ERO1B: variants seen among roughly 807,000 people sequenced by gnomAD.
The protein encoded by ERO1B is endoplasmic reticulum oxidoreductase 1 beta, also known as ERO1-like protein beta.
Under a neutral mutation model 75.3 loss-of-function variants are expected in ERO1B, and 49 were observed. The ratio of observed to expected loss-of-function variants is 0.65; its 90% confidence interval spans 0.52 to 0.83. ERO1B has a LOEUF of 0.83. Ranked by LOEUF, ERO1B falls within the 40% of genes least tolerant of loss-of-function variation. The probability of loss-of-function intolerance (pLI) is 0.00; values close to 1 mark genes in which losing one functional copy is unlikely to be tolerated. For missense variants in ERO1B, 512 were observed against 560.1 expected (o/e 0.91, Z 0.87); for synonymous variants, 191 against 192.9 (o/e 0.99, Z 0.08).
At chr1:236,233,542 G>A (rs1050794127) in intron 8 of ERO1B, among the ~76,000 whole-genome samples, 6 of 150,360 alleles carry the variant, frequency 4.0e-5, no homozygotes, top group African/African-American at 1.2e-4. Flanking sequence ...AGGTTGCAGT[G>A]AGCCGAGATC....
At chr1:236,278,754 A>C (rs1282413274) in intron 1 of ERO1B, among the ~76,000 whole-genome samples, 1 of 152,172 alleles carries the variant, frequency 6.6e-6, no homozygotes, top group African/African-American at 2.4e-5. Context: ...ACCAAAGTAT[A>C]TTTACATTTC....
At chr1:236,226,938 TATG>T (rs1664293845) in intron 10 of ERO1B, among the ~76,000 whole-genome samples, 199 bp from the exon 11 acceptor site, 1 of 152,148 alleles carries the variant, frequency 6.6e-6, no homozygotes, top group Admixed American at 6.5e-5. Flanking sequence ...GTTAACTGAA[TATG>T]ATGAGAACTT....
intron 1 of ERO1B, among the ~76,000 whole-genome samples, chr1:236,280,116 T>G (rs796582237): frequency 3.9e-5 from 6 of 152,242 alleles, no homozygotes; most frequent in African/African-American, 1.4e-4. Flanking sequence ...AGTCCCCATC[T>G]CTACACAAGA....
In ERO1B at chr1:236,245,317, TATATAC is replaced by T. The variant is rs1192369200; in HGVS notation, c.432-1828_432-1823del. ...GTCAAAATATATATATATATATATA[TATATAC>T]ACACACGTATATATATACGTATATA... On this transcript the variant is annotated intron_variant, in intron 5 of 15. Transcript: ENST00000354619. Among the ~76,000 whole-genome samples, 9 of 20,814 alleles carry T rather than the reference TATATAC, an allele frequency of 4.3e-4. 2 individuals carry two copies. Among genetic ancestry groups the T allele is most frequent in the Admixed American group, 2.0e-3 (2 of 1,006 alleles). 13.7% of individuals were successfully genotyped at this position (20,814 alleles called of 152,430 possible).
intron 2 of ERO1B, among the ~76,000 whole-genome samples, chr1:236,261,223 G>A (rs1286254649): frequency 3.3e-5 from 5 of 152,122 alleles, no homozygotes; most frequent in Non-Finnish European, 1.5e-5. Context: ...AAACTGAAAA[G>A]CTTTTCCTCT....
At chr1:236,260,470 G>T (rs919618315) in intron 2 of ERO1B, among the ~76,000 whole-genome samples, 1 of 152,188 alleles carries the variant, frequency 6.6e-6, no homozygotes, top group Admixed American at 6.5e-5. Flanking sequence ...TTCAAGACCA[G>T]CCTGGACAAC....
At chr1:236,219,331 T>C (rs891909977) in intron 15 of ERO1B, among the ~76,000 whole-genome samples, 9 of 152,148 alleles carry the variant, frequency 5.9e-5, no homozygotes, top group Non-Finnish European at 1.0e-4. Flanking sequence ...TCCAGAACTT[T>C]AGGACCCCTG....
At chr1:236,235,173 A>G (rs1664510253) in intron 8 of ERO1B, among the ~76,000 whole-genome samples, 2 of 152,240 alleles carry the variant, frequency 1.3e-5, no homozygotes, top group African/African-American at 4.8e-5. Flanking sequence ...ACAGATATAG[A>G]GCACTGCTAA....
chr1:236,244,333 C>T (rs1664786353), intron 5 of ERO1B, among the ~76,000 whole-genome samples: 1 of 152,128 alleles, frequency 6.6e-6, no homozygotes, highest in African/African-American at 2.4e-5. Context: ...GAAGCCACTA[C>T]AAAGAAGTGT....
At position 236,215,954 on chromosome 1, in the gene ERO1B, G is replaced by A. The variant is rs1267820343; in HGVS notation, c.*2562C>T. ...TTACAAATATCGAATAATTCACAAT[G>A]TTAAAAATGTCAAAATAAAACGTTT... On this transcript the variant is annotated 3_prime_UTR_variant, in exon 16 of 16. Transcript: ENST00000354619. The A allele has an allele frequency of 2.1e-5, 3 of 139,770 alleles. No individual in the cohort carries two copies. The highest frequency in any genetic ancestry group is 9.3e-5 in the African/African-American group (3 of 32,402). The allele number at this position is 139,770 out of a possible 1,614,324, so 8.7% of individuals were successfully genotyped here.
chr1:236,230,252 TGAGA>T lies in ERO1B; in HGVS notation c.686-6_686-3del, dbSNP rs758014753. ...CTAGCCATGTGTAGAATGATTCTCCTGAGAGAGAGAGAAAAGTGGATTAAAACAT... is the reference window on the plus strand; with the variant it reads ...CTAGCCATGTGTAGAATGATTCTCCTGAGAGAGAAAAGTGGATTAAAACAT... On this transcript the variant is annotated splice_polypyrimidine_tract_variant and splice_region_variant and intron_variant, in intron 9 of 15. Transcript: ENST00000354619. 12 of 1,591,384 alleles carry T rather than the reference TGAGA, an allele frequency of 7.5e-6. No individual in the cohort carries two copies. The Admixed American group carries it at 1.0e-4, about 13-fold the overall frequency.
chr1:236,229,863 T>C (rs1664358834), intron 10 of ERO1B, among the ~76,000 whole-genome samples: 2 of 152,194 alleles, frequency 1.3e-5, no homozygotes, highest in African/African-American at 2.4e-5. Context: ...ATTTTATATA[T>C]AAAAAGTACT....
chr1:236,243,396 TTAATTA>T lies in ERO1B; in HGVS notation c.505+20_505+25del, dbSNP rs1271956368. The T allele has an allele frequency of 8.5e-6, 12 of 1,412,980 alleles. No homozygotes were observed. Among genetic ancestry groups the T allele is most frequent in the Non-Finnish European group, 1.2e-5 (12 of 1,037,088 alleles). The allele number at this position is 1,412,980 out of a possible 1,614,324, so 87.5% of individuals were successfully genotyped here. Reference sequence around the variant, plus strand: ...ATAAAAGGGTTAAAGTTAAAATAATTTAATTATAATAGTTTATTGTATTACCATCAA... The same window carrying T: ...ATAAAAGGGTTAAAGTTAAAATAATTTAATAGTTTATTGTATTACCATCAA... On this transcript the variant is annotated intron_variant, in intron 6 of 15. Coordinates refer to ENST00000354619, the MANE Select transcript of ERO1B (RefSeq NM_019891.4).
intron 14 of ERO1B, among the ~76,000 whole-genome samples, 191 bp from the exon 15 acceptor site, chr1:236,221,156 G>A (rs1159105927): frequency 6.6e-6 from 1 of 152,080 alleles, no homozygotes; most frequent in Non-Finnish European, 1.5e-5. Flanking sequence ...AGCAGTTAAG[G>A]AAACCTGAAT....
At chr1:236,280,977 C>A (rs1215527378) in intron 1 of ERO1B, among the ~76,000 whole-genome samples, 1 of 152,162 alleles carries the variant, frequency 6.6e-6, no homozygotes, top group African/African-American at 2.4e-5. Context: ...ATCATCGCTT[C>A]ACATCAACAA....
chr1:236,275,869 G>A (rs1213088805), intron 1 of ERO1B, among the ~76,000 whole-genome samples: 2 of 152,192 alleles, frequency 1.3e-5, no homozygotes, highest in African/African-American at 4.8e-5. Flanking sequence ...TGTGAGACAG[G>A]AAGCCAATGG....
intron 13 of ERO1B, among the ~76,000 whole-genome samples, chr1:236,224,468 T>TA (rs35284640): frequency 0.16 from 16,955 of 106,598 alleles, 1,153 homozygotes; most frequent in East Asian, 0.37. Flanking sequence ...AATTTAAAAG[T>TA]AAAAAAAAAA....
chr1:236,277,141 C>T (rs1004416835), intron 1 of ERO1B, among the ~76,000 whole-genome samples: 1 of 152,174 alleles, frequency 6.6e-6, no homozygotes, highest in Non-Finnish European at 1.5e-5. Context: ...CAGTGGCTCA[C>T]GCCTGTAATC....
chr1:236,262,267 T>C (rs1406232806), intron 2 of ERO1B, among the ~76,000 whole-genome samples: 1 of 152,218 alleles, frequency 6.6e-6, no homozygotes, highest in Non-Finnish European at 1.5e-5. Context: ...AATAAAGTGT[T>C]GGGAAAACTG....
Sources: gnomAD v4.1 joint callset for allele counts (sites outside exome capture counted in the v4.1 genomes callset) on GRCh38, gnomAD v4.1.1 for gene constraint, MANE v1.5 for transcripts, NCBI Gene and HGNC (gene_info 2026-07-23, HGNC 2026-07-21) for gene names.